The following CTNND2 variants were observed in gnomAD, a reference collection of about 807,000 sequenced individuals.
The protein encoded by CTNND2 is catenin delta-2.
CTNND2 carries 22 observed loss-of-function variants against 144.4 expected under a neutral mutation model. The observed-to-expected ratio is 0.15, with a 90% CI of 0.11 to 0.22. The LOEUF (loss-of-function observed/expected upper bound fraction) is 0.22. CTNND2 is among the 10% of genes least tolerant of loss of function. CTNND2 has a pLI of 1.00. For missense variants in CTNND2, 1,353 were observed against 1,618.8 expected, an observed-to-expected ratio of 0.84 and a Z score of 2.82; for synonymous variants, 751 against 695.6, an observed-to-expected ratio of 1.08 and a Z score of -1.25.
intron 9 of CTNND2, among the ~76,000 whole-genome samples, chr5:11,268,772 C>A (rs917701424): frequency 6.6e-6 from 1 of 152,122 alleles, no homozygotes; most frequent in East Asian, 1.9e-4. Flanking sequence ...CATGTGCCTG[C>A]AGACAGTTAC....
At chr5:11,648,690 A>C (rs1191867931) in intron 2 of CTNND2, among the ~76,000 whole-genome samples, 1 of 152,180 alleles carries the variant, frequency 6.6e-6, no homozygotes, top group Non-Finnish European at 1.5e-5. Flanking sequence ...CAACTCTGTA[A>C]CTAGCAAAAT....
intron 1 of CTNND2, among the ~76,000 whole-genome samples, chr5:11,804,268 T>C (rs149214896): frequency 1.7e-4 from 26 of 152,322 alleles, no homozygotes; most frequent in African/African-American, 5.3e-4. Context: ...CAAAATGGTA[T>C]AGCCATTCTG....
At chr5:11,083,996 C>T in intron 15 of CTNND2, 2 of 1,032,734 alleles carry the variant, frequency 1.9e-6, no homozygotes, top group Non-Finnish European at 2.4e-6. Context: ...TTCATCCTGT[C>T]CTACATTAGA....
chr5:11,392,085 G>T (rs546058091), intron 6 of CTNND2, among the ~76,000 whole-genome samples: 4 of 152,304 alleles, frequency 2.6e-5, no homozygotes, highest in Admixed American at 2.0e-4. Flanking sequence ...GAGAAAGTGA[G>T]AGAGAGAAAT....
At chr5:11,289,448 A>G (rs1748087737) in intron 9 of CTNND2, among the ~76,000 whole-genome samples, 1 of 152,216 alleles carries the variant, frequency 6.6e-6, no homozygotes, top group African/African-American at 2.4e-5. Context: ...CCAAAAGAAC[A>G]ACAGCTGAGC....
At chr5:11,550,727 T>G (rs934497582) in intron 3 of CTNND2, among the ~76,000 whole-genome samples, 1 of 152,180 alleles carries the variant, frequency 6.6e-6, no homozygotes, top group Non-Finnish European at 1.5e-5. Flanking sequence ...AAATTTAACA[T>G]TCCATGATAG....
intron 11 of CTNND2, among the ~76,000 whole-genome samples, chr5:11,197,264 G>A (rs929081011): frequency 6.6e-6 from 1 of 152,200 alleles, no homozygotes; most frequent in African/African-American, 2.4e-5. Context: ...TGAAACTGAT[G>A]GCTGAAGTTC....
rs73743753 is a variant in CTNND2 at position 11,307,520 on chromosome 5, C to A, written c.1628+38852G>T. 5.4e-3 allele frequency among the ~76,000 whole-genome samples: 826 copies of A among 152,070 alleles called. 6 individuals carry two copies. The highest frequency in any genetic ancestry group is 0.019 in the African/African-American group (797 of 41,496). ...AGAAAGTTTCGCTTGCTGAACAATG[C>A]CTATATTTTAAAATAACCTCTCACT... On this transcript the variant is annotated intron_variant, in intron 9 of 21. Coordinates refer to ENST00000304623, the MANE Select transcript of CTNND2 (RefSeq NM_001332.4).
At chr5:11,229,037 T>C (rs16901419) in intron 10 of CTNND2, among the ~76,000 whole-genome samples, 5,172 of 152,302 alleles carry the variant, frequency 0.034, 142 homozygotes, top group African/African-American at 0.07. Context: ...ATAAGATCTG[T>C]AAACACTTCA....
At chr5:11,220,161 A>G (rs1055988995) in intron 10 of CTNND2, among the ~76,000 whole-genome samples, 12 of 152,296 alleles carry the variant, frequency 7.9e-5, no homozygotes, top group African/African-American at 2.4e-4. Flanking sequence ...ATGCTTCTCC[A>G]TCACCTGTGA....
At chr5:11,893,348 T>G (rs893793268) in intron 1 of CTNND2, among the ~76,000 whole-genome samples, 1 of 152,100 alleles carries the variant, frequency 6.6e-6, no homozygotes, top group African/African-American at 2.4e-5. Flanking sequence ...GACTAAACCA[T>G]TCAGAGGGGG....
At chr5:11,536,306 C>T (rs141731578) in intron 3 of CTNND2, among the ~76,000 whole-genome samples, 1 of 152,244 alleles carries the variant, frequency 6.6e-6, no homozygotes, top group African/African-American at 2.4e-5. Context: ...TCAAGCAATC[C>T]TCCTACCTAG....
rs1407621755 is a variant in CTNND2 at position 11,022,823 on chromosome 5, C to T, written c.2945G>A (p.Arg982Gln). ...CAACTTCTCGATGCCACCGGCATCC[C>T]GTAAGGCCTTGGCGTTCTCCATGTT... ...TKNMENAKAL[R>Q]DAGGIEKLVG... Residue 982 changes from arginine to glutamine, a missense_variant, in exon 17 of 22, where the codon CGG becomes CAG. Arg to Gln is a conservative substitution (Grantham distance 43). Around this residue, in one of 4 missense-constraint regions of CTNND2, gnomAD observed 459 missense variants for 674.3 expected, o/e 0.68. Transcript: ENST00000304623. 17 of 1,614,056 alleles carry T rather than the reference C, an allele frequency of 1.1e-5. No individual in the cohort carries two copies. In the East Asian group the frequency reaches 1.1e-4, roughly 11 times the overall value.
rs568523811 is a variant in CTNND2, at chr5:11,489,328, T to C, written c.287+75616A>G. On this transcript the variant is annotated intron_variant, in intron 3 of 21. Coordinates refer to ENST00000304623, the MANE Select transcript of CTNND2 (RefSeq NM_001332.4). The stretch of plus-strand genomic sequence containing the variant: ...TCAACATCCATGTGCTTAGTTGGCA[T>C]CCTTATACCCTCTGAGATTCAGTGT... Among the ~76,000 whole-genome samples the C allele has an allele frequency of 5.3e-5, 8 of 152,314 alleles. No individual in the cohort carries two copies. The South Asian group carries it at 1.2e-3, about 24-fold the overall frequency.
chr5:11,864,050 C>T (rs1027478539), intron 1 of CTNND2, among the ~76,000 whole-genome samples: 10 of 152,086 alleles, frequency 6.6e-5, no homozygotes, highest in African/African-American at 2.2e-4. Context: ...GGATCACGAA[C>T]GTCATGTTTC....
chr5:11,384,550 T>C lies in CTNND2; in HGVS notation c.1177+115A>G. 1.1e-6 allele frequency: 1 copy of C among 917,624 alleles called. No individual in the cohort carries two copies. Among genetic ancestry groups the C allele is most frequent in the South Asian group, 1.7e-5 (1 of 57,970 alleles). The allele number at this position is 917,624 out of a possible 1,614,324, so 56.8% of individuals were successfully genotyped here. ...CCTGGCGTTCTCTGTCTCCTGCAAC[T>C]ACTACAACCTGGCAGACAGCGCGCC... On this transcript the variant is annotated intron_variant, in intron 7 of 21. Transcript: ENST00000304623. The surrounding 1 kb of genome is among the most constrained non-coding windows in gnomAD (Gnocchi z 5.2).
intron 2 of CTNND2, among the ~76,000 whole-genome samples, chr5:11,577,509 C>T (rs546670881): frequency 4.6e-5 from 7 of 152,212 alleles, no homozygotes; most frequent in African/African-American, 1.7e-4. Flanking sequence ...GTATTTGAGA[C>T]GGACAATGGG....
chr5:11,261,473 A>T (rs1040325428), intron 9 of CTNND2, among the ~76,000 whole-genome samples: 2 of 152,226 alleles, frequency 1.3e-5, no homozygotes, highest in African/African-American at 4.8e-5. Context: ...CCAATTATAA[A>T]ATCCACCAGC....
At chr5:11,546,656 C>A (rs1447902990) in intron 3 of CTNND2, among the ~76,000 whole-genome samples, 1 of 152,074 alleles carries the variant, frequency 6.6e-6, no homozygotes, top group Non-Finnish European at 1.5e-5. Flanking sequence ...TGGAGCCTAG[C>A]AATGAGAATG....
Sources: gnomAD v4.1 joint callset for allele counts (sites outside exome capture counted in the v4.1 genomes callset) on GRCh38, gnomAD v4.1.1 for gene constraint, gnomAD v4.1.1 regional missense constraint, Gnocchi (gnomAD v3.1) non-coding constraint, MANE v1.5 for transcripts, NCBI Gene and HGNC (gene_info 2026-07-23, HGNC 2026-07-21) for gene names.